Variants in CTNNA2 observed in about 807,000 individuals in gnomAD.
The protein encoded by CTNNA2 is catenin alpha 2, also known as catenin alpha-2.
Under a neutral mutation model 101.0 loss-of-function variants are expected in CTNNA2, and 42 were observed. The ratio of observed to expected loss-of-function variants is 0.42; its 90% confidence interval spans 0.32 to 0.54. The LOEUF is 0.54. Among genes scored for constraint, CTNNA2 ranks in the 20% least tolerant of loss-of-function variants. The probability of loss-of-function intolerance (pLI) is 0.14; values close to 1 mark genes in which losing one functional copy is unlikely to be tolerated. For synonymous variants in CTNNA2, 450 were observed against 456.4 expected (o/e 0.99, Z 0.18); for missense variants, 871 against 1,223.1 (o/e 0.71, Z 4.29).
At chr2:80,530,381 C>G (rs1219580445) in intron 9 of CTNNA2, among the ~76,000 whole-genome samples, 1 of 152,174 alleles carries the variant, frequency 6.6e-6, no homozygotes, top group Non-Finnish European at 1.5e-5. Flanking sequence ...AACAAGGGAG[C>G]TTCCAGCTCG....
rs1282595284 is a variant in CTNNA2 at position 79,422,749 on chromosome 2, G to A, written c.-135+48736G>A. Among the ~76,000 whole-genome samples, 3 of 152,284 alleles carry A rather than the reference G, an allele frequency of 2.0e-5. No individual in the cohort carries two copies. The East Asian group carries it at 5.8e-4, about 29-fold the overall frequency. On this transcript the variant is annotated intron_variant, in intron 4 of 21. Coordinates refer to the CTNNA2 transcript ENST00000466387. Reference sequence around the variant, plus strand: ...GCACATGTAAGGGATAATTATAATTGTCTAAAAAGAATAAAGTACTTGTTA... The same window carrying A: ...GCACATGTAAGGGATAATTATAATTATCTAAAAAGAATAAAGTACTTGTTA...
chr2:80,575,349 A>C (rs928336246), intron 13 of CTNNA2: 1 of 152,146 alleles, frequency 6.6e-6, no homozygotes, highest in Admixed American at 6.6e-5. Context: ...AATGTATCCA[A>C]AATATCATTT....
intron 3 of CTNNA2, among the ~76,000 whole-genome samples, chr2:79,745,779 C>A (rs1671603563): frequency 1.3e-5 from 2 of 151,954 alleles, no homozygotes; most frequent in Admixed American, 1.3e-4. Context: ...ATGTATATAC[C>A]ACATTTTGTT....
intron 4 of CTNNA2, among the ~76,000 whole-genome samples, chr2:79,501,056 A>G (rs962994325): frequency 1.3e-5 from 2 of 152,184 alleles, no homozygotes; most frequent in African/African-American, 4.8e-5. Flanking sequence ...TTAGACCTCT[A>G]AATTACAGTC....
intron 3 of CTNNA2, among the ~76,000 whole-genome samples, chr2:79,316,759 C>T (rs1485305580): frequency 6.6e-6 from 1 of 151,560 alleles, no homozygotes; most frequent in Non-Finnish European, 1.5e-5. Context: ...TTTGTATATC[C>T]TGTAAACTTG....
chr2:80,172,859 C>T (rs922050208), intron 7 of CTNNA2, among the ~76,000 whole-genome samples: 20 of 152,196 alleles, frequency 1.3e-4, no homozygotes, highest in Non-Finnish European at 1.6e-4. Context: ...TCTCACATGC[C>T]GTTATTTATC....
At position 80,614,404 on chromosome 2, in the gene CTNNA2, T is replaced by G. The variant is rs545925455; in HGVS notation, c.2431-4681T>G. On this transcript the variant is annotated intron_variant, in intron 17 of 18. Transcript: ENST00000402739. Reference sequence around the variant, plus strand: ...AGGTATAAGTGATCTGGAGAGGATTTAAAGTATACAGGAGGATGTGTGTAG... The same window carrying G: ...AGGTATAAGTGATCTGGAGAGGATTGAAAGTATACAGGAGGATGTGTGTAG... Among the ~76,000 whole-genome samples the G allele has an allele frequency of 4.0e-5, 6 of 151,578 alleles. No individual in the cohort carries two copies. In the Admixed American group the frequency reaches 4.0e-4, roughly 10 times the overall value.
intron 4 of CTNNA2, among the ~76,000 whole-genome samples, chr2:79,502,239 G>C (rs1354053764): frequency 6.6e-6 from 1 of 152,086 alleles, no homozygotes; most frequent in African/African-American, 2.4e-5. Context: ...AGATTCTAAA[G>C]ATTTTGGAAG....
chr2:80,559,690 C>T (rs1470896716), intron 12 of CTNNA2, among the ~76,000 whole-genome samples: 1 of 152,084 alleles, frequency 6.6e-6, no homozygotes, highest in Non-Finnish European at 1.5e-5. Context: ...GGATCTACAG[C>T]AGACCCATTA....
chr2:80,307,723 G>T (rs1039636581), intron 7 of CTNNA2, among the ~76,000 whole-genome samples: 1 of 152,182 alleles, frequency 6.6e-6, no homozygotes, highest in Admixed American at 6.5e-5. Context: ...TTCCATGTTT[G>T]TCAGGGGAAG....
At chr2:80,644,408 C>G (rs1263344693) in intron 18 of CTNNA2, among the ~76,000 whole-genome samples, 1 of 152,110 alleles carries the variant, frequency 6.6e-6, no homozygotes, top group Non-Finnish European at 1.5e-5. Context: ...AAAGAGAATG[C>G]AACTATGTTA....
At chr2:80,346,856 C>A (rs539163363) in intron 7 of CTNNA2, among the ~76,000 whole-genome samples, 1 of 152,224 alleles carries the variant, frequency 6.6e-6, no homozygotes, top group African/African-American at 2.4e-5. Flanking sequence ...AGGTAGGTAC[C>A]CCCATGTGTT....
intron 1 of CTNNA2, among the ~76,000 whole-genome samples, chr2:79,608,372 A>C (rs1476350921): frequency 6.6e-6 from 1 of 152,114 alleles, no homozygotes; most frequent in Admixed American, 6.5e-5. Flanking sequence ...ATTATCTTAC[A>C]GAATTGAAGA....
At chr2:79,498,786 T>C (rs1671286450) in intron 4 of CTNNA2, 1 of 152,218 alleles carries the variant, frequency 6.6e-6, no homozygotes, top group South Asian at 2.1e-4. Flanking sequence ...AGGTCTCCTA[T>C]TATCCTGAAT....
At chr2:80,217,811 G>T (rs1453405746) in intron 7 of CTNNA2, among the ~76,000 whole-genome samples, 4 of 152,200 alleles carry the variant, frequency 2.6e-5, no homozygotes, top group Non-Finnish European at 5.9e-5. Context: ...GGGGTTCAGG[G>T]CTGGACCACT....
chr2:79,245,115 A>G (rs557596321), intron 2 of CTNNA2, among the ~76,000 whole-genome samples: 22 of 151,922 alleles, frequency 1.4e-4, no homozygotes, highest in Non-Finnish European at 2.6e-4. Flanking sequence ...AAAAAAAGGA[A>G]AGAAATCAGT....
At chr2:79,534,919 G>C (rs1672964034) in intron 1 of CTNNA2, among the ~76,000 whole-genome samples, 1 of 150,662 alleles carries the variant, frequency 6.6e-6, no homozygotes, top group South Asian at 2.1e-4. Context: ...AAAAACTCCT[G>C]CAAAACAAAT....
chr2:80,457,307 G>T (rs1262119868), intron 9 of CTNNA2, among the ~76,000 whole-genome samples: 1 of 151,982 alleles, frequency 6.6e-6, no homozygotes, highest in Non-Finnish European at 1.5e-5. Flanking sequence ...CAGGTTTTCT[G>T]CCCGCCTTGG....
At position 80,246,996 on chromosome 2, in the gene CTNNA2, G is replaced by A. The variant is rs73938254; in HGVS notation, c.1057-146215G>A. ...TGGGAAATATTTCACTGAATACTTC[G>A]GATCTTTGGTGACCATCTCCTCCTT... On this transcript the variant is annotated intron_variant, in intron 7 of 18. Transcript: ENST00000402739. 8.0e-3 allele frequency among the ~76,000 whole-genome samples: 1,213 copies of A among 152,166 alleles called. 16 individuals are homozygous for A. The highest frequency in any genetic ancestry group is 0.028 in the African/African-American group (1,148 of 41,494).
Sources: allele counts gnomAD v4.1 joint callset (sites outside exome capture counted in the v4.1 genomes callset), GRCh38; gene constraint gnomAD v4.1.1; transcripts MANE v1.5; gene names NCBI Gene and HGNC (gene_info 2026-07-23, HGNC 2026-07-21).